The following PAN3 variants were observed in gnomAD, a reference collection of about 807,000 sequenced individuals.
PAN3 encodes the protein poly(A) specific ribonuclease subunit PAN3.
In PAN3, 19 loss-of-function variants were observed where a neutral mutation model predicts 96.2. That is an observed-to-expected ratio of 0.20 (90% CI 0.14 to 0.29). The LOEUF (loss-of-function observed/expected upper bound fraction) is 0.29. Among genes scored for constraint, PAN3 ranks in the 10% least tolerant of loss-of-function variants. The pLI is 1.00. For synonymous variants in PAN3, 433 were observed against 406.6 expected (o/e 1.06, Z -0.78); for missense variants, 882 against 1,108.1 (o/e 0.80, Z 2.90).
chr13:28,167,089 T>C (rs1056730387), intron 1 of PAN3, among the ~76,000 whole-genome samples: 15 of 148,222 alleles, frequency 1.0e-4, no homozygotes, highest in Admixed American at 8.7e-4. Flanking sequence ...TTAATTTTTT[T>C]TTTTTTTTTT....
intron 1 of PAN3, among the ~76,000 whole-genome samples, chr13:28,161,728 A>T (rs1872906683): frequency 6.6e-6 from 1 of 152,204 alleles, no homozygotes; most frequent in Non-Finnish European, 1.5e-5. Flanking sequence ...GTCTCCACAG[A>T]AGCTTTATCA....
intron 1 of PAN3, among the ~76,000 whole-genome samples, chr13:28,172,237 C>G (rs1441364041): frequency 6.6e-6 from 1 of 152,120 alleles, no homozygotes; most frequent in African/African-American, 2.4e-5. Flanking sequence ...GGGTGGATCA[C>G]GAGGTCAGGA....
At chr13:28,235,722 C>CACACACACACACATAT (rs763204992) in intron 6 of PAN3, among the ~76,000 whole-genome samples, 101 of 149,054 alleles carry the variant, frequency 6.8e-4, no homozygotes, top group African/African-American at 2.4e-3. Flanking sequence ...CACACACACA[C>CACACACACACACATAT]ATATATATAT....
Position 28,141,461 on chromosome 13 carries a change from T to C in PAN3, c.430+2374T>C, listed in dbSNP as rs12020530. Among the ~76,000 whole-genome samples the C allele has an allele frequency of 3.5e-5, 5 of 141,018 alleles. No homozygotes were observed. The Admixed American group carries it at 3.6e-4, about 10-fold the overall frequency. 92.5% of individuals were successfully genotyped at this position (141,018 alleles called of 152,430 possible). The stretch of plus-strand genomic sequence containing the variant: ...TTCTAGGATTTTCTTTTTCTTTTTT[T>C]CTTTTTTTTTTTTTTTTTTTTTTGA... On this transcript the variant is annotated intron_variant, in intron 1 of 18. Coordinates refer to ENST00000380958, the MANE Select transcript of PAN3 (RefSeq NM_175854.8).
intron 18 of PAN3, among the ~76,000 whole-genome samples, chr13:28,290,370 C>A (rs776401179): frequency 6.6e-6 from 1 of 152,244 alleles, no homozygotes; most frequent in Middle Eastern, 3.4e-3. Flanking sequence ...GGAGTATTGT[C>A]AATAACCTAC....
At chr13:28,168,199 G>T (rs1593396937) in intron 1 of PAN3, among the ~76,000 whole-genome samples, 1 of 152,322 alleles carries the variant, frequency 6.6e-6, no homozygotes, top group South Asian at 2.1e-4. Context: ...CCTGGGGCAA[G>T]AAGTGTTTTG....
chr13:28,266,155 C>A (rs941659495), intron 9 of PAN3, among the ~76,000 whole-genome samples: 1 of 152,054 alleles, frequency 6.6e-6, no homozygotes, highest in African/African-American at 2.4e-5. Context: ...ATAATCCTCC[C>A]TTTAAAAGGT....
intron 6 of PAN3, among the ~76,000 whole-genome samples, chr13:28,254,587 G>C (rs1220178396): frequency 1.3e-5 from 2 of 151,972 alleles, no homozygotes; most frequent in Non-Finnish European, 2.9e-5. Context: ...TATAATTTTT[G>C]CTGTATGGAT....
intron 4 of PAN3, among the ~76,000 whole-genome samples, chr13:28,194,466 A>ATATATATATATTT (rs1429166016): frequency 2.0e-4 from 24 of 122,112 alleles, no homozygotes; most frequent in African/African-American, 8.3e-4. Flanking sequence ...ATATATATAT[A>ATATATATATATTT]TTTTTTTTTT....
intron 6 of PAN3, among the ~76,000 whole-genome samples, chr13:28,245,480 C>G (rs990252346): frequency 6.6e-6 from 1 of 151,694 alleles, no homozygotes; most frequent in Non-Finnish European, 1.5e-5. Flanking sequence ...GATTCCTCTT[C>G]CCTACCCCCA....
intron 1 of PAN3, among the ~76,000 whole-genome samples, chr13:28,163,660 A>G (rs1873162306): frequency 6.6e-6 from 1 of 152,196 alleles, no homozygotes; most frequent in Admixed American, 6.5e-5. Context: ...AGTCTTGAGT[A>G]TGTATATTAG....
chr13:28,224,008 A>G lies in PAN3; in HGVS notation c.1000+3630A>G, dbSNP rs1388276473. ...CTCAGCCTCGCGAGTAGCTGGGACT[A>G]CAGGCGCCCGCCACCGCGCCCGGCT... On this transcript the variant is annotated intron_variant, in intron 6 of 18. Coordinates refer to ENST00000380958, the MANE Select transcript of PAN3 (RefSeq NM_175854.8). 2.7e-5 allele frequency among the ~76,000 whole-genome samples: 4 copies of G among 149,930 alleles called. No homozygotes were observed. In the East Asian group the frequency reaches 8.0e-4, roughly 30 times the overall value.
intron 9 of PAN3, among the ~76,000 whole-genome samples, chr13:28,262,400 TTGTAA>T (rs1885815547): frequency 6.6e-6 from 1 of 152,240 alleles, no homozygotes; most frequent in Non-Finnish European, 1.5e-5. Context: ...AAATGCCTGC[TTGTAA>T]TCAGAAATTC....
chr13:28,267,473 T>G, intron 12 of PAN3, 72 bp downstream of exon 12: 7 of 1,209,872 alleles, frequency 5.8e-6, no homozygotes, highest in Non-Finnish European at 8.3e-6. Flanking sequence ...TTTTCTATTT[T>G]AAAATACGTA....
At chr13:28,287,174 C>G (rs1301187886) in intron 17 of PAN3, among the ~76,000 whole-genome samples, 2 of 152,198 alleles carry the variant, frequency 1.3e-5, no homozygotes, top group African/African-American at 4.8e-5. Flanking sequence ...GAAGAGCAGC[C>G]ACTACTTCCT....
intron 9 of PAN3, among the ~76,000 whole-genome samples, chr13:28,262,540 A>C (rs1434799285): frequency 6.6e-6 from 1 of 152,180 alleles, no homozygotes; most frequent in Non-Finnish European, 1.5e-5. Flanking sequence ...ATAACCTTTG[A>C]AATATTCATC....
At chr13:28,232,771 G>C (rs1882711597) in intron 6 of PAN3, among the ~76,000 whole-genome samples, 1 of 152,068 alleles carries the variant, frequency 6.6e-6, no homozygotes, top group Non-Finnish European at 1.5e-5. Context: ...CTGTTAATTT[G>C]AGTTCGAGGG....
rs71086844 is a variant in PAN3 at position 28,293,387 on chromosome 13, G to GTTTTTTTTTTTTTTTTTTTTTTTTTTTTT, written c.*866_*894dup. The GTTTTTTTTTTTTTTTTTTTTTTTTTTTTT allele has an allele frequency of 4.7e-5, 1 of 21,356 alleles. No individual in the cohort carries two copies. Among genetic ancestry groups the GTTTTTTTTTTTTTTTTTTTTTTTTTTTTT allele is most frequent in the African/African-American group, 2.0e-4 (1 of 4,970 alleles). The allele number at this position is 21,356 out of a possible 1,614,324, so 1.3% of individuals were successfully genotyped here. A position where few individuals can be genotyped will look rare whatever the true frequency, so the allele number is the denominator to read the frequency against. On this transcript the variant is annotated 3_prime_UTR_variant, in exon 19 of 19. Transcript: ENST00000380958. ...ACTTTAGGTTCTTTCCAGTTTGCTG[G>GTTTTTTTTTTTTTTTTTTTTTTTTTTTTT]TTTTTTTTTTTTTTTTTTTTTTTTT...
chr13:28,201,633 C>T (rs538818845), intron 5 of PAN3, among the ~76,000 whole-genome samples: 1 of 152,174 alleles, frequency 6.6e-6, no homozygotes, highest in South Asian at 2.1e-4. Flanking sequence ...CTCCTGGCCT[C>T]AAGTGATCCT....
Sources: allele counts gnomAD v4.1 joint callset (sites outside exome capture counted in the v4.1 genomes callset), GRCh38; gene constraint gnomAD v4.1.1; transcripts MANE v1.5; gene names NCBI Gene and HGNC (gene_info 2026-07-23, HGNC 2026-07-21).